CTNNA2: variants seen among roughly 807,000 people sequenced by gnomAD.
CTNNA2 encodes the protein catenin alpha-2.
In CTNNA2, 42 loss-of-function variants were observed where a neutral mutation model predicts 101.0. The ratio of observed to expected loss-of-function variants is 0.42; its 90% CI spans 0.32 to 0.54. CTNNA2 has a LOEUF of 0.54. Ranked by LOEUF, CTNNA2 falls within the 20% of genes least tolerant of loss-of-function variation. CTNNA2 has a pLI of 0.14. For synonymous variants in CTNNA2, 450 were observed against 456.4 expected (o/e 0.99, Z 0.18); for missense variants, 871 against 1,223.1 (o/e 0.71, Z 4.29).
intron 3 of CTNNA2, among the ~76,000 whole-genome samples, chr2:79,809,309 A>G (rs1476341441): frequency 6.6e-6 from 1 of 152,190 alleles, no homozygotes; most frequent in Non-Finnish European, 1.5e-5. Context: ...ACACCCAGTA[A>G]TGGGATTGCG....
At chr2:79,718,205 C>G (rs950030566) in intron 2 of CTNNA2, among the ~76,000 whole-genome samples, 1 of 152,146 alleles carries the variant, frequency 6.6e-6, no homozygotes, top group Non-Finnish European at 1.5e-5. Flanking sequence ...TTTATTACTT[C>G]TCAAATGAAG....
intron 7 of CTNNA2, among the ~76,000 whole-genome samples, chr2:79,941,778 C>T (rs565829225): frequency 2.6e-5 from 4 of 151,990 alleles, no homozygotes; most frequent in South Asian, 4.2e-4. Context: ...ACCACCATGC[C>T]GGGCTAATTT....
chr2:80,599,011 T>C (rs1000408353), intron 15 of CTNNA2, among the ~76,000 whole-genome samples: 4 of 152,220 alleles, frequency 2.6e-5, no homozygotes, highest in Non-Finnish European at 4.4e-5. Context: ...CTATGGATTT[T>C]ACCGGTATCA....
chr2:79,842,473 C>T (rs917049471), intron 3 of CTNNA2, among the ~76,000 whole-genome samples: 19 of 152,144 alleles, frequency 1.2e-4, no homozygotes, highest in Admixed American at 5.2e-4. Context: ...CTATTACTAG[C>T]ATCATCCGCT....
chr2:79,338,575 A>ATCTTCTTCTTCT (rs1239699778), intron 3 of CTNNA2, among the ~76,000 whole-genome samples: 6,058 of 115,158 alleles, frequency 0.053, 368 homozygotes, highest in African/African-American at 0.065. Flanking sequence ...CTTCCTCCTC[A>ATCTTCTTCTTCT]TCATCTTCTT....
At chr2:79,664,746 C>T (rs1301507200) in intron 2 of CTNNA2, among the ~76,000 whole-genome samples, 1 of 125,916 alleles carries the variant, frequency 7.9e-6, no homozygotes, top group Non-Finnish European at 1.6e-5. Flanking sequence ...CGGAGTCTCG[C>T]TGTCTCCCCG....
At chr2:80,307,183 T>C (rs1177409076) in intron 7 of CTNNA2, among the ~76,000 whole-genome samples, 1 of 151,800 alleles carries the variant, frequency 6.6e-6, no homozygotes, top group South Asian at 2.1e-4. Flanking sequence ...TTTTCTACAG[T>C]TTTAAACCCC....
At chr2:79,565,507 A>G (rs561078155) in intron 1 of CTNNA2, among the ~76,000 whole-genome samples, 1 of 152,242 alleles carries the variant, frequency 6.6e-6, no homozygotes, top group South Asian at 2.1e-4. Context: ...GAAGACTTAG[A>G]AAGTTGATGC....
chr2:80,597,751 A>G (rs1038377909), intron 15 of CTNNA2, among the ~76,000 whole-genome samples: 2 of 152,222 alleles, frequency 1.3e-5, no homozygotes, highest in African/African-American at 4.8e-5. Flanking sequence ...GAGAAATGCA[A>G]TTCAAAACCA....
At chr2:80,513,150 A>G (rs1053034177) in intron 9 of CTNNA2, among the ~76,000 whole-genome samples, 4 of 152,178 alleles carry the variant, frequency 2.6e-5, no homozygotes, top group African/African-American at 9.7e-5. Flanking sequence ...TAGGTTCTAC[A>G]TGGTCCACAC....
chr2:79,462,758 G>T (rs76250254), intron 4 of CTNNA2, among the ~76,000 whole-genome samples: 1 of 152,146 alleles, frequency 6.6e-6, no homozygotes, highest in Non-Finnish European at 1.5e-5. Flanking sequence ...CTCAATAAAC[G>T]TATTGGTTGC....
intron 7 of CTNNA2, among the ~76,000 whole-genome samples, chr2:80,389,491 GTCTC>G (rs989846701): frequency 6.6e-6 from 1 of 151,818 alleles, no homozygotes; most frequent in Non-Finnish European, 1.5e-5. Context: ...CTGTGTCTCT[GTCTC>G]TCTATCTCTC....
intron 3 of CTNNA2, among the ~76,000 whole-genome samples, chr2:79,365,007 T>C (rs1055402345): frequency 6.6e-6 from 1 of 152,166 alleles, no homozygotes; most frequent in Non-Finnish European, 1.5e-5. Context: ...CTGGGCACAG[T>C]GGCTTATGCC....
At chr2:79,462,723 T>G (rs1371219784) in intron 4 of CTNNA2, among the ~76,000 whole-genome samples, 1 of 152,256 alleles carries the variant, frequency 6.6e-6, no homozygotes, top group Admixed American at 6.5e-5. Context: ...ATGTACCTTC[T>G]AGCAGCAAGT....
intron 4 of CTNNA2, among the ~76,000 whole-genome samples, chr2:79,378,766 T>C (rs1489672883): frequency 1.3e-5 from 2 of 152,052 alleles, no homozygotes; most frequent in Non-Finnish European, 2.9e-5. Context: ...GGAAAAAAAA[T>C]CCTTTTGGGA....
intron 5 of CTNNA2, among the ~76,000 whole-genome samples, chr2:79,873,158 G>A (rs1205786321): frequency 1.3e-5 from 2 of 152,200 alleles, no homozygotes; most frequent in Non-Finnish European, 2.9e-5. Context: ...AAAATCAGAA[G>A]TTTGGTTTCC....
At chr2:79,442,073 C>A (rs1465552498) in intron 4 of CTNNA2, among the ~76,000 whole-genome samples, 2 of 152,110 alleles carry the variant, frequency 1.3e-5, no homozygotes, top group Non-Finnish European at 2.9e-5. Flanking sequence ...CATTTTATCA[C>A]AATCTGTAAT....
At chr2:79,374,382 C>G (rs1677938789) in intron 4 of CTNNA2, among the ~76,000 whole-genome samples, 1 of 152,164 alleles carries the variant, frequency 6.6e-6, no homozygotes, top group Non-Finnish European at 1.5e-5. Context: ...CGACTTCATA[C>G]TTAACTTTTG....
intron 4 of CTNNA2, among the ~76,000 whole-genome samples, chr2:79,386,120 A>G (rs1187247726): frequency 6.6e-6 from 1 of 152,164 alleles, no homozygotes; most frequent in Non-Finnish European, 1.5e-5. Flanking sequence ...GTCTTCCACA[A>G]TGGTTGAACT....
Sources: allele counts gnomAD v4.1 joint callset (sites outside exome capture counted in the v4.1 genomes callset), GRCh38; gene constraint gnomAD v4.1.1; transcripts MANE v1.5; gene names NCBI Gene and HGNC (gene_info 2026-07-23, HGNC 2026-07-21).